ZFHX3: variants seen among roughly 807,000 people sequenced by gnomAD.
ZFHX3 encodes the protein zinc finger homeobox protein 3.
ZFHX3 carries 42 observed loss-of-function variants against 279.1 expected under a neutral mutation model. The observed-to-expected ratio is 0.15, with a 90% CI of 0.12 to 0.19. The LOEUF is 0.19. ZFHX3 is among the 10% of genes least tolerant of loss of function. The probability of loss-of-function intolerance (pLI) is 1.00; values close to 1 mark genes in which losing one functional copy is unlikely to be tolerated. For synonymous variants in ZFHX3, 2,293 were observed against 1,957.8 expected (o/e 1.17, Z -4.52); for missense variants, 4,981 against 4,754.0 (o/e 1.05, Z -1.40).
intron 5 of ZFHX3, among the ~76,000 whole-genome samples, chr16:73,213,173 G>A (rs893804100): frequency 1.3e-5 from 2 of 152,176 alleles, no homozygotes; most frequent in African/African-American, 2.4e-5. Flanking sequence ...ATCTGGAAAG[G>A]CCTGAGGGAT....
chr16:73,057,709 G>A (rs1054850131), intron 1 of ZFHX3, among the ~76,000 whole-genome samples: 1 of 151,626 alleles, frequency 6.6e-6, no homozygotes, highest in Admixed American at 6.6e-5. Context: ...AGTCCCCTCT[G>A]GGCGCTCGCG....
At chr16:73,224,912 A>G (rs111557397) in intron 5 of ZFHX3, among the ~76,000 whole-genome samples, 2 of 152,048 alleles carry the variant, frequency 1.3e-5, no homozygotes, top group African/African-American at 4.8e-5. Context: ...ATACCTCTTA[A>G]AGCTTAAGCT....
intron 3 of ZFHX3, among the ~76,000 whole-genome samples, chr16:73,341,772 T>C (rs2016037846): frequency 6.6e-6 from 1 of 152,068 alleles, no homozygotes; most frequent in Admixed American, 6.5e-5. Flanking sequence ...AGGAATGGAG[T>C]ACTGATATAT....
At chr16:73,844,595 C>T (rs1961396326) in intron 1 of ZFHX3, among the ~76,000 whole-genome samples, 1 of 151,760 alleles carries the variant, frequency 6.6e-6, no homozygotes, top group East Asian at 1.9e-4. Context: ...TGATAAATAA[C>T]ATGCTCGAGG....
At chr16:73,622,422 C>T (rs2052372080) in intron 2 of ZFHX3, among the ~76,000 whole-genome samples, 1 of 152,054 alleles carries the variant, frequency 6.6e-6, no homozygotes, top group Non-Finnish European at 1.5e-5. Flanking sequence ...ATTAGCCAGG[C>T]GTGGTGGCGG....
At chr16:73,332,787 C>T (rs1201344284) in intron 3 of ZFHX3, among the ~76,000 whole-genome samples, 1 of 152,152 alleles carries the variant, frequency 6.6e-6, no homozygotes, top group East Asian at 1.9e-4. Flanking sequence ...TCAAGGTAGT[C>T]AATGAACGTA....
At chr16:72,882,096 AC>A (rs976814171) in intron 4 of ZFHX3, among the ~76,000 whole-genome samples, 1 of 148,862 alleles carries the variant, frequency 6.7e-6, no homozygotes, top group African/African-American at 2.5e-5. Context: ...CCCAATGCTC[AC>A]CCCTCAACAA....
At position 73,644,311 on chromosome 16, in the gene ZFHX3, A is replaced by C. The variant is rs187330007; in HGVS notation, c.-1547+35869T>G. Among the ~76,000 whole-genome samples, 34 of 151,988 alleles carry C rather than the reference A, an allele frequency of 2.2e-4. No homozygotes were observed. In the East Asian group the frequency reaches 6.6e-3, roughly 30 times the overall value. The stretch of plus-strand genomic sequence containing the variant: ...GTTATCTCCCAGCTACTGTAAACTT[A>C]AGACATCCCCAGACTGCATTTCCTT... On this transcript the variant is annotated intron_variant, in intron 2 of 17. Coordinates refer to the ZFHX3 transcript ENST00000641206.
chr16:73,202,907 CTTTTTTT>C (rs10718356), intron 5 of ZFHX3, among the ~76,000 whole-genome samples: 11 of 76,162 alleles, frequency 1.4e-4, no homozygotes, highest in Middle Eastern at 0.01. Flanking sequence ...TTCTTTCTTT[CTTTTTTT>C]TTTTTTTTTT....
chr16:73,302,506 T>C (rs187870205), intron 4 of ZFHX3, among the ~76,000 whole-genome samples: 14 of 152,276 alleles, frequency 9.2e-5, no homozygotes, highest in Admixed American at 6.5e-4. Context: ...CGCTGAGGGA[T>C]TAGTTGTCCC....
chr16:73,649,609 T>C (rs1449234823), intron 2 of ZFHX3, among the ~76,000 whole-genome samples: 3 of 152,224 alleles, frequency 2.0e-5, no homozygotes, highest in African/African-American at 7.2e-5. Context: ...AATAAACTCG[T>C]TTTTGTTCTA....
At chr16:73,397,011 A>G (rs769545400) in intron 3 of ZFHX3, among the ~76,000 whole-genome samples, 3 of 152,228 alleles carry the variant, frequency 2.0e-5, no homozygotes, top group Non-Finnish European at 4.4e-5. Context: ...GTGTGGAAGC[A>G]GCATAAGGAA....
chr16:72,913,575 A>C (rs1176376534), intron 3 of ZFHX3, among the ~76,000 whole-genome samples: 2 of 152,152 alleles, frequency 1.3e-5, no homozygotes, highest in African/African-American at 4.8e-5. Context: ...GACCTTGATC[A>C]CTTTGTTAAG....
intron 3 of ZFHX3, among the ~76,000 whole-genome samples, chr16:73,397,396 G>A (rs964485440): frequency 3.3e-5 from 5 of 152,202 alleles, no homozygotes; most frequent in African/African-American, 1.2e-4. Flanking sequence ...AGAGGAGGCA[G>A]AGGAAGAGTA....
intron 2 of ZFHX3, among the ~76,000 whole-genome samples, chr16:73,577,674 T>G (rs1406240140): frequency 6.6e-6 from 1 of 152,216 alleles, no homozygotes; most frequent in Admixed American, 6.5e-5. Flanking sequence ...ACTGAAGGTA[T>G]ACTTTTGTTT....
intron 3 of ZFHX3, among the ~76,000 whole-genome samples, chr16:72,936,388 T>G (rs1960126626): frequency 6.6e-6 from 1 of 152,240 alleles, no homozygotes; most frequent in African/African-American, 2.4e-5. Context: ...TCTGCTGTCT[T>G]GGCAGACAAC....
chr16:73,394,090 C>T (rs2017077250), intron 3 of ZFHX3, among the ~76,000 whole-genome samples: 1 of 150,424 alleles, frequency 6.6e-6, no homozygotes, highest in African/African-American at 2.4e-5. Flanking sequence ...AAATGGATCC[C>T]ATCAATTGAT....
At chr16:73,478,310 T>C (rs928095195) in intron 2 of ZFHX3, among the ~76,000 whole-genome samples, 3 of 141,186 alleles carry the variant, frequency 2.1e-5, no homozygotes, top group South Asian at 2.4e-4. Flanking sequence ...CTAAAAGCCA[T>C]ATGACATGCC....
intron 7 of ZFHX3, chr16:73,098,751 G>A (rs948517296): frequency 5.3e-5 from 8 of 152,116 alleles, no homozygotes; most frequent in African/African-American, 1.9e-4. Context: ...CAGAGCCAGC[G>A]TGGGCACACG....
Sources: gnomAD v4.1 joint callset for allele counts (sites outside exome capture counted in the v4.1 genomes callset) on GRCh38, gnomAD v4.1.1 for gene constraint, MANE v1.5 for transcripts, NCBI Gene and HGNC (gene_info 2026-07-23, HGNC 2026-07-21) for gene names.